Variants in NALF1 observed in about 807,000 individuals in gnomAD.
The protein encoded by NALF1 is NALCN channel auxiliary factor 1.
In NALF1, 3 loss-of-function variants were observed where a neutral mutation model predicts 48.4. The ratio of observed to expected loss-of-function variants is 0.06; its 90% CI spans 0.03 to 0.16. The LOEUF (loss-of-function observed/expected upper bound fraction) is 0.16, where lower values mean the gene tolerates loss of function less well. Among genes scored for constraint, NALF1 ranks in the 10% least tolerant of loss-of-function variants. The pLI, the probability that NALF1 is intolerant of heterozygous loss-of-function variation, is 1.00. For missense variants in NALF1, 526 were observed against 571.5 expected, an observed-to-expected ratio of 0.92 and a Z score of 0.81; for synonymous variants, 262 against 245.7, an observed-to-expected ratio of 1.07 and a Z score of -0.62.
At chr13:107,673,235 A>C (rs1881032967) in intron 1 of NALF1, among the ~76,000 whole-genome samples, 1 of 152,148 alleles carries the variant, frequency 6.6e-6, no homozygotes, top group Non-Finnish European at 1.5e-5. Flanking sequence ...TTAAAGGATT[A>C]ATTTAATGAG....
At chr13:107,190,737 T>C (rs1252890858) in intron 2 of NALF1, among the ~76,000 whole-genome samples, 3 of 152,186 alleles carry the variant, frequency 2.0e-5, no homozygotes, top group Non-Finnish European at 4.4e-5. Flanking sequence ...ATCTGTTACC[T>C]TTATTTTTCA....
chr13:107,621,003 T>G (rs1334618988), intron 1 of NALF1, among the ~76,000 whole-genome samples: 1 of 152,178 alleles, frequency 6.6e-6, no homozygotes, highest in Non-Finnish European at 1.5e-5. Flanking sequence ...TGTGTGTGTG[T>G]GTGTGTTAAC....
chr13:107,591,416 T>C (rs1878600394), intron 1 of NALF1, among the ~76,000 whole-genome samples: 1 of 152,046 alleles, frequency 6.6e-6, no homozygotes. Context: ...ACCTATCTTT[T>C]AGATAAAATG....
intron 1 of NALF1, among the ~76,000 whole-genome samples, chr13:107,694,047 A>C (rs942465797): frequency 6.6e-6 from 1 of 152,212 alleles, no homozygotes; most frequent in Non-Finnish European, 1.5e-5. Flanking sequence ...CATCAGAAAG[A>C]CAGAACTCTC....
At chr13:107,270,373 C>T (rs1881136536) in intron 1 of NALF1, among the ~76,000 whole-genome samples, 1 of 151,934 alleles carries the variant, frequency 6.6e-6, no homozygotes, top group African/African-American at 2.4e-5. Context: ...AAAAACTATA[C>T]ATTTTAATAC....
chr13:107,758,367 T>A (rs1270173281), intron 1 of NALF1, among the ~76,000 whole-genome samples: 1 of 152,178 alleles, frequency 6.6e-6, no homozygotes, highest in African/African-American at 2.4e-5. Context: ...CATTTTTAAT[T>A]TTCATATATT....
chr13:107,493,203 T>C (rs75766994), intron 1 of NALF1, among the ~76,000 whole-genome samples: 2 of 152,072 alleles, frequency 1.3e-5, no homozygotes, highest in African/African-American at 4.8e-5. Context: ...TGAGGCTCCG[T>C]GCTGCTGGAT....
chr13:107,271,623 T>C (rs9301204), intron 1 of NALF1, among the ~76,000 whole-genome samples: 105,168 of 150,786 alleles, frequency 0.7, 37,246 homozygotes, highest in South Asian at 0.82. Context: ...TTTTAAGCAG[T>C]TAAGTTTGTG....
chr13:107,525,424 A>C (rs886401667), intron 1 of NALF1, among the ~76,000 whole-genome samples: 1 of 152,180 alleles, frequency 6.6e-6, no homozygotes, highest in South Asian at 2.1e-4. Context: ...AGATTCATCT[A>C]TGTTGTTGCT....
chr13:107,325,832 C>A (rs1882341687), intron 1 of NALF1, among the ~76,000 whole-genome samples: 2 of 117,344 alleles, frequency 1.7e-5, no homozygotes, highest in South Asian at 3.0e-4. Flanking sequence ...GAGAGAGAAA[C>A]TGTGTCTCAA....
chr13:107,583,442 C>T (rs540026177), intron 1 of NALF1, among the ~76,000 whole-genome samples: 114 of 152,184 alleles, frequency 7.5e-4, no homozygotes, highest in African/African-American at 2.5e-3. Flanking sequence ...ATGACCTCTG[C>T]TTTCATATTT....
At chr13:107,518,670 T>C (rs775445732) in intron 1 of NALF1, among the ~76,000 whole-genome samples, 11 of 152,130 alleles carry the variant, frequency 7.2e-5, no homozygotes, top group Non-Finnish European at 1.5e-4. Context: ...TGAGTAAATG[T>C]ATAGTATTTT....
chr13:107,320,319 T>C (rs765749100), intron 1 of NALF1, among the ~76,000 whole-genome samples: 4 of 152,134 alleles, frequency 2.6e-5, no homozygotes, highest in Admixed American at 6.6e-5. Flanking sequence ...GTTTCTCCCA[T>C]GCTAACACAC....
chr13:107,291,546 T>A (rs1425375535), intron 1 of NALF1, among the ~76,000 whole-genome samples: 1 of 151,734 alleles, frequency 6.6e-6, no homozygotes, highest in Non-Finnish European at 1.5e-5. Context: ...CTGAACTATA[T>A]CTCATTATGT....
intron 1 of NALF1, among the ~76,000 whole-genome samples, chr13:107,749,851 GCT>G (rs1876884971): frequency 6.6e-6 from 1 of 151,702 alleles, no homozygotes; most frequent in Admixed American, 6.6e-5. Flanking sequence ...ACAGAGTCTT[GCT>G]CTGTCTCCCA....
intron 1 of NALF1, among the ~76,000 whole-genome samples, chr13:107,723,724 C>G (rs1876059574): frequency 6.6e-6 from 1 of 152,110 alleles, no homozygotes; most frequent in African/African-American, 2.4e-5. Flanking sequence ...ACGAAGTAGA[C>G]TTGTGGAGAA....
Position 107,229,472 on chromosome 13 carries a change from T to C in NALF1, c.916-18717A>G, listed in dbSNP as rs114866142. Among the ~76,000 whole-genome samples the C allele has an allele frequency of 5.2e-3, 795 of 152,258 alleles. 6 individuals are homozygous for C. The highest frequency in any genetic ancestry group is 0.018 in the African/African-American group (733 of 41,560). The stretch of plus-strand genomic sequence containing the variant: ...AGGTACTCAAAATCTGTTTGTATTT[T>C]AAAAGTGCTTTATATAACTGTTATT... On this transcript the variant is annotated intron_variant, in intron 1 of 2. Coordinates refer to ENST00000375915, the MANE Select transcript of NALF1 (RefSeq NM_001080396.3).
At chr13:107,865,560 C>T (rs1253631155) in intron 1 of NALF1, 122 bp downstream of exon 1, 3 of 1,332,746 alleles carry the variant, frequency 2.3e-6, no homozygotes, top group African/African-American at 1.5e-5. Context: ...TCTTAATAAC[C>T]GCAGAAAACA....
chr13:107,328,993 T>C (rs981745799), intron 1 of NALF1, among the ~76,000 whole-genome samples: 1 of 152,160 alleles, frequency 6.6e-6, no homozygotes, highest in African/African-American at 2.4e-5. Flanking sequence ...ACATCTTAGA[T>C]TATATCATGA....
Sources: gnomAD v4.1 joint callset for allele counts (sites outside exome capture counted in the v4.1 genomes callset) on GRCh38, gnomAD v4.1.1 for gene constraint, MANE v1.5 for transcripts, NCBI Gene and HGNC (gene_info 2026-07-23, HGNC 2026-07-21) for gene names.